DNAH3: variants seen among roughly 807,000 people sequenced by gnomAD.
DNAH3 encodes the protein axonemal beta dynein heavy chain 3.
Under a neutral mutation model 432.5 loss-of-function variants are expected in DNAH3, and 332 were observed. That is an observed-to-expected ratio of 0.77 (90% CI 0.70 to 0.84). DNAH3 has a LOEUF of 0.84. DNAH3 is among the 40% of genes least tolerant of loss of function. The pLI is 0.00. For synonymous variants in DNAH3, 1,956 were observed against 1,900.2 expected, an observed-to-expected ratio of 1.03 and a Z score of -0.76; for missense variants, 4,861 against 5,114.0, an observed-to-expected ratio of 0.95 and a Z score of 1.51.
intron 27 of DNAH3, 112 bp downstream of exon 27, chr16:21,057,974 A>C: frequency 1.4e-6 from 1 of 732,350 alleles, no homozygotes; most frequent in South Asian, 1.6e-5. Flanking sequence ...TGTGATGCTG[A>C]GACCAAATGA....
chr16:21,071,722 T>TA (rs2090790003), intron 21 of DNAH3, among the ~76,000 whole-genome samples: 2 of 152,018 alleles, frequency 1.3e-5, no homozygotes, highest in Non-Finnish European at 2.9e-5. Flanking sequence ...ACCCCATCTC[T>TA]AAAAATTTTT....
intron 1 of DNAH3, among the ~76,000 whole-genome samples, chr16:21,151,883 TC>T (rs576125298): frequency 2.6e-5 from 4 of 152,162 alleles, no homozygotes; most frequent in Non-Finnish European, 4.4e-5. Flanking sequence ...TCTTTTTTTT[TC>T]ATTCAATTTC....
At chr16:21,157,572 T>C (rs11642367) in intron 1 of DNAH3, among the ~76,000 whole-genome samples, 109,305 of 151,858 alleles carry the variant, frequency 0.72, 39,856 homozygotes, top group East Asian at 1. Context: ...TCAAGTGATC[T>C]GCCCACCTCA....
At chr16:21,041,665 T>C (rs1378160574) in intron 32 of DNAH3, among the ~76,000 whole-genome samples, 1 of 152,122 alleles carries the variant, frequency 6.6e-6, no homozygotes, top group Admixed American at 6.6e-5. Context: ...AGAGGTTTCT[T>C]TTCTTTCGCT....
rs1276124753 is a variant in DNAH3 at position 21,024,585 on chromosome 16, G to A, written c.5646+11C>T. The A allele has an allele frequency of 1.3e-6, 2 of 1,597,138 alleles. No homozygotes were observed. Among genetic ancestry groups the A allele is most frequent in the East Asian group, 2.2e-5 (1 of 44,458 alleles). On this transcript the variant is annotated intron_variant, in intron 39 of 61. Coordinates refer to ENST00000261383, the Ensembl canonical transcript of DNAH3. ...CAGCAGGAGGGGAAGGAAAGGGTCT[G>A]AGGGGCTCACCAATTCTTTGTGCTC...
exon 40 of DNAH3, chr16:21,022,079 G>A (rs375911708): frequency 6.8e-6 from 11 of 1,613,888 alleles, no homozygotes; most frequent in Non-Finnish European, 9.3e-6. Flanking sequence ...GGCTGGACAA[G>A]CCACATGAAC....
At chr16:21,117,235 C>T (rs1334307010) in exon 12 of DNAH3, 2 of 1,609,818 alleles carry the variant, frequency 1.2e-6, no homozygotes, top group Admixed American at 1.7e-5. Flanking sequence ...TCTGAAATAC[C>T]TTGAAAGTTT....
chr16:21,027,146 G>A lies in DNAH3; in HGVS notation c.5440-19C>T. The stretch of plus-strand genomic sequence containing the variant: ...GACACAGCTAAAAGTGCAAAGCAGA[G>A]GGTAGCAGACAGGGGAAAGGCTTAA... On this transcript the variant is annotated intron_variant, in intron 37 of 61. Transcript: ENST00000261383. The A allele has an allele frequency of 2.5e-6, 4 of 1,581,632 alleles. No individual in the cohort carries two copies. Among genetic ancestry groups the A allele is most frequent in the Non-Finnish European group, 3.5e-6 (4 of 1,150,876 alleles).
chr16:21,106,653 G>A (rs1302963930), exon 15 of DNAH3: 1 of 1,555,066 alleles, frequency 6.4e-7, no homozygotes, highest in Non-Finnish European at 8.8e-7. Context: ...TGTCTGCGAT[G>A]TGGCTGTACT....
intron 5 of DNAH3, among the ~76,000 whole-genome samples, chr16:21,138,811 T>TAAA (rs368103118): frequency 1.4e-4 from 20 of 146,338 alleles, no homozygotes; most frequent in Non-Finnish European, 1.6e-4. Flanking sequence ...CTCCCTCTAA[T>TAAA]AAAAAAAAAA....
At chr16:21,150,620 C>A in intron 1 of DNAH3, 86 bp from the exon 2 acceptor site, 2 of 189,796 alleles carry the variant, frequency 1.1e-5, no homozygotes, top group South Asian at 2.0e-4. Flanking sequence ...TTCCTAGTCC[C>A]CCAGCGGTGG....
At position 20,963,497 on chromosome 16, in the gene DNAH3, AC is replaced by A; in HGVS notation, c.10386del (p.Ser3463LeufsTer12). 1 of 1,614,126 alleles carries A rather than the reference AC, an allele frequency of 6.2e-7. No homozygotes were observed. The highest frequency in any genetic ancestry group is 8.5e-7 in the Non-Finnish European group (1 of 1,180,016). On this transcript the variant is annotated frameshift_variant, in exon 53 of 62. Transcript: ENST00000261383. LOFTEE classifies it high-confidence loss of function. ...TCCAATCCTTGAGAGAACTTCCAAG[AC>A]CCAGGGAGTTGCTCCTCATGGGGCC...
At chr16:20,934,009 C>T (rs956338288) in intron 61 of DNAH3, among the ~76,000 whole-genome samples, 1 of 152,120 alleles carries the variant, frequency 6.6e-6, no homozygotes, top group South Asian at 2.1e-4. Flanking sequence ...ACAGTTGGCC[C>T]TGGTGAGCTG....
At chr16:21,008,692 C>T (rs141542656) in intron 41 of DNAH3, among the ~76,000 whole-genome samples, 9 of 152,212 alleles carry the variant, frequency 5.9e-5, no homozygotes, top group Admixed American at 2.6e-4. Context: ...CTTTCCTCTC[C>T]GTTGGTGATT....
intron 18 of DNAH3, among the ~76,000 whole-genome samples, chr16:21,094,645 G>A (rs2091628374): frequency 6.6e-6 from 1 of 151,990 alleles, no homozygotes; most frequent in African/African-American, 2.4e-5. Context: ...TACAAAGTAT[G>A]ACAAAGTGAC....
intron 50 of DNAH3, among the ~76,000 whole-genome samples, chr16:20,978,294 C>T (rs758539063): frequency 3.3e-5 from 5 of 152,050 alleles, no homozygotes; most frequent in Admixed American, 2.0e-4. Context: ...TTTGGGAGGC[C>T]GAGGTGAGCA....
At chr16:21,055,383 TTTAAA>T (rs1188373132) in intron 27 of DNAH3, among the ~76,000 whole-genome samples, 1 of 152,124 alleles carries the variant, frequency 6.6e-6, no homozygotes, top group Non-Finnish European at 1.5e-5. Flanking sequence ...GATGACAAAA[TTTAAA>T]TTAGCCAATT....
chr16:20,954,798 A>C lies in DNAH3; in HGVS notation c.11071+15T>G. The C allele has an allele frequency of 6.2e-7, 1 of 1,612,770 alleles. No individual in the cohort carries two copies. The highest frequency in any genetic ancestry group is 8.5e-7 in the Non-Finnish European group (1 of 1,179,248). On this transcript the variant is annotated intron_variant, in intron 55 of 61. Coordinates refer to ENST00000261383, the Ensembl canonical transcript of DNAH3. ...CCTTTCCCTCAGGCCACTCAGGTGC[A>C]CTGTCATCGCTTACCTAGGGGGCCG...
intron 57 of DNAH3, among the ~76,000 whole-genome samples, chr16:20,948,150 C>G (rs1596902118): frequency 6.6e-6 from 1 of 152,250 alleles, no homozygotes; most frequent in South Asian, 2.1e-4. Flanking sequence ...TCTGTTCCTC[C>G]CTTTTTGCCA....
Sources: allele counts gnomAD v4.1 joint callset (sites outside exome capture counted in the v4.1 genomes callset), GRCh38; gene constraint gnomAD v4.1.1; transcripts MANE v1.5; gene names NCBI Gene and HGNC (gene_info 2026-07-23, HGNC 2026-07-21).